The following CDKL5 variants were observed in gnomAD, a reference collection of about 807,000 sequenced individuals.
CDKL5 encodes the protein cyclin-dependent kinase-like 5.
In CDKL5, 8 loss-of-function variants were observed where a neutral mutation model predicts 61.7. That is an observed-to-expected ratio of 0.13 (90% CI 0.08 to 0.23). CDKL5 has a LOEUF of 0.23. Ranked by LOEUF, CDKL5 falls within the 10% of genes least tolerant of loss-of-function variation. The pLI is 1.00. For missense variants in CDKL5, 440 were observed against 734.5 expected, an observed-to-expected ratio of 0.60 and a Z score of 4.63; for synonymous variants, 275 against 272.3, an observed-to-expected ratio of 1.01 and a Z score of -0.10.
At chrX:18,643,166 T>TA (rs1454363504), downstream of CDKL5, among the ~76,000 whole-genome samples, 1 of 111,221 alleles carries the variant, frequency 9.0e-6, no homozygotes, top group African/African-American at 3.3e-5. Context: ...AAACATGCTG[T>TA]GGGTGTTTGA....
At chrX:18,579,773 T>C in intron 5 of CDKL5, 75 bp from the exon 6 acceptor site, 1 of 998,080 alleles carries the variant, frequency 1.0e-6, no homozygotes, top group Non-Finnish European at 1.4e-6. Flanking sequence ...TTATTCTAGA[T>C]GCTTTGTAAA....
chrX:18,504,380 AT>A (rs1318161120), intron 1 of CDKL5, among the ~76,000 whole-genome samples: 4 of 112,073 alleles, frequency 3.6e-5, no homozygotes, highest in Middle Eastern at 9.3e-3. Context: ...TGCTGGGATT[AT>A]ATGCGTGAAC....
chrX:18,626,720 CTCT>C (rs1927066053), intron 17 of CDKL5: 4 of 39,937 alleles, frequency 1.0e-4, no homozygotes, highest in Non-Finnish European at 1.3e-4. Flanking sequence ...CTCTCTCTCT[CTCT>C]CCCCCCTCTC....
chrX:18,434,031 G>A (rs1931557514), intron 1 of CDKL5, among the ~76,000 whole-genome samples: 1 of 111,735 alleles, frequency 8.9e-6, no homozygotes, highest in African/African-American at 3.3e-5. Context: ...TAACATGCAA[G>A]GTACTGTAAC....
chrX:18,527,134 T>A (rs1923474512), intron 3 of CDKL5, among the ~76,000 whole-genome samples: 1 of 111,940 alleles, frequency 8.9e-6, no homozygotes, highest in South Asian at 3.7e-4. Flanking sequence ...TATTGGCGGA[T>A]TTGATTCCCT....
In CDKL5 at chrX:18,479,035, T is replaced by C. The variant is rs538080257; in HGVS notation, c.-162-27900T>C. On this transcript the variant is annotated intron_variant, in intron 1 of 17. Transcript: ENST00000623535. The stretch of plus-strand genomic sequence containing the variant: ...CTGGCCTTAAATGTATTTTTTGATA[T>C]AGAGATGGGGTCTTGCTGTGTTGAC... Among the ~76,000 whole-genome samples the C allele has an allele frequency of 6.3e-5, 7 of 111,626 alleles. No homozygotes were observed. The South Asian group carries it at 2.6e-3, about 42-fold the overall frequency.
chrX:18,458,649 C>T (rs772304398), intron 1 of CDKL5, among the ~76,000 whole-genome samples: 2 of 109,701 alleles, frequency 1.8e-5, no homozygotes, highest in African/African-American at 3.3e-5. Context: ...AACGGGACAT[C>T]GAGGCTGCAA....
intron 3 of CDKL5, among the ~76,000 whole-genome samples, chrX:18,542,677 A>C (rs1351852911): frequency 1.3e-5 from 1 of 79,990 alleles, no homozygotes. Flanking sequence ...TTTTTTTTGT[A>C]TCCTGGTCAT....
chrX:18,565,314 A>G (rs1464395287), intron 4 of CDKL5, among the ~76,000 whole-genome samples: 1 of 111,983 alleles, frequency 8.9e-6, no homozygotes, highest in East Asian at 2.8e-4. Context: ...CAGTGTCCGC[A>G]CACATATGTA....
intron 1 of CDKL5, among the ~76,000 whole-genome samples, chrX:18,476,354 C>T (rs969029889): frequency 2.7e-5 from 3 of 110,677 alleles, no homozygotes; most frequent in Non-Finnish European, 5.7e-5. Context: ...TAGCTAAGAT[C>T]ATAGGCATGC....
intron 3 of CDKL5, among the ~76,000 whole-genome samples, chrX:18,524,989 C>T (rs1923377645): frequency 1.8e-5 from 2 of 111,758 alleles, no homozygotes. Context: ...GTGATGCAGT[C>T]ATGGCTCACT....
chrX:18,611,797 T>C (rs1926562145), intron 14 of CDKL5, among the ~76,000 whole-genome samples: 1 of 112,051 alleles, frequency 8.9e-6, no homozygotes, highest in South Asian at 3.7e-4. Context: ...ATTTCAGATA[T>C]AGAAGGAAAA....
chrX:18,605,951 A>C (rs1236423650), intron 12 of CDKL5, among the ~76,000 whole-genome samples: 1 of 112,223 alleles, frequency 8.9e-6, no homozygotes, highest in Non-Finnish European at 1.9e-5. Context: ...TGGGAGGCCG[A>C]GGCAGGCAGA....
chrX:18,528,995 G>A (rs750419731), intron 3 of CDKL5, among the ~76,000 whole-genome samples: 2 of 110,204 alleles, frequency 1.8e-5, no homozygotes, highest in Non-Finnish European at 3.8e-5. Flanking sequence ...CTGGTGTATT[G>A]AGGCCATTCA....
intron 1 of CDKL5, among the ~76,000 whole-genome samples, chrX:18,453,520 G>A (rs191135575): frequency 1.6e-4 from 18 of 111,808 alleles, no homozygotes; most frequent in Admixed American, 8.6e-4. Flanking sequence ...AGACCATGAT[G>A]TGTATGTACT....
chrX:18,604,379 G>A lies in CDKL5; in HGVS notation c.1455G>A (p.Lys485=). ...CTAGGAGTCCCTCCTACAGGACCAAGGCCAAAAGCCATGGGGCACTGAGTG... is the reference window on the plus strand; with the variant it reads ...CTAGGAGTCCCTCCTACAGGACCAAAGCCAAAAGCCATGGGGCACTGAGTG... ...QSSRSPSYRT[K]AKSHGALSDS... Residue 485 remains lysine, a synonymous_variant, in exon 12 of 18, where the codon AAG becomes AAA. Transcript: ENST00000623535. The A allele has an allele frequency of 8.3e-7, 1 of 1,209,881 alleles. No individual in the cohort carries two copies. Among genetic ancestry groups the A allele is most frequent in the South Asian group, 1.8e-5 (1 of 56,890 alleles).
rs73191526 is a variant in CDKL5, at chrX:18,601,488, G to A, written c.978-2414G>A. ...CACAGATTCCTTACAGTTGTGTGTC[G>A]AAGAGATCTATGGAATTTTCAAAGC... On this transcript the variant is annotated intron_variant, in intron 11 of 17. Transcript: ENST00000623535. Among the ~76,000 whole-genome samples the A allele has an allele frequency of 3.5e-3, 391 of 112,454 alleles. 2 individuals are homozygous for A. Among genetic ancestry groups the A allele is most frequent in the Non-Finnish European group, 6.5e-3 (349 of 53,285 alleles).
intron 20 of CDKL5, among the ~76,000 whole-genome samples, chrX:18,646,993 T>C (rs929054004): frequency 9.1e-6 from 1 of 109,414 alleles, no homozygotes; most frequent in African/African-American, 3.3e-5. Context: ...CTCGGCTCAC[T>C]GTAACCTCCG....
chrX:18,653,476 C>G (rs1928136258), exon 22 of CDKL5: 2 of 1,211,629 alleles, frequency 1.7e-6, no homozygotes, highest in Non-Finnish European at 1.1e-6. Context: ...AGCCCTGATT[C>G]ACAGGGCCCA....
Sources: allele counts gnomAD v4.1 joint callset (sites outside exome capture counted in the v4.1 genomes callset), GRCh38; gene constraint gnomAD v4.1.1; transcripts MANE v1.5; gene names NCBI Gene and HGNC (gene_info 2026-07-23, HGNC 2026-07-21).